The following NOL4 variants were observed in gnomAD, a reference collection of about 807,000 sequenced individuals.
NOL4 encodes the protein cancer/testis antigen 125.
NOL4 carries 17 observed loss-of-function variants against 75.9 expected under a neutral mutation model. That is an observed-to-expected ratio of 0.22 (90% confidence interval 0.15 to 0.34). The LOEUF is 0.34. Ranked by LOEUF, NOL4 falls within the 10% of genes least tolerant of loss-of-function variation. The pLI is 1.00. For synonymous variants in NOL4, 292 were observed against 289.9 expected (o/e 1.01, Z -0.07); for missense variants, 614 against 793.5 (o/e 0.77, Z 2.72).
At chr18:33,976,822 G>A (rs1050696387) in intron 6 of NOL4, among the ~76,000 whole-genome samples, 9 of 152,028 alleles carry the variant, frequency 5.9e-5, no homozygotes, top group Non-Finnish European at 1.3e-4. Context: ...TTATAATATT[G>A]TATTGATTTG....
chr18:34,135,752 A>C (rs1258275600), intron 1 of NOL4, among the ~76,000 whole-genome samples: 1 of 151,532 alleles, frequency 6.6e-6, no homozygotes, highest in African/African-American at 2.4e-5. Flanking sequence ...AGACAGCCTC[A>C]CTGAACCAAA....
intron 1 of NOL4, among the ~76,000 whole-genome samples, chr18:34,138,066 C>T (rs1315321756): frequency 6.6e-6 from 1 of 152,074 alleles, no homozygotes; most frequent in East Asian, 1.9e-4. Flanking sequence ...TAAAAGACCA[C>T]ATATTGTATG....
chr18:33,955,242 A>T (rs2069557514), intron 8 of NOL4, among the ~76,000 whole-genome samples: 1 of 152,066 alleles, frequency 6.6e-6, no homozygotes, highest in African/African-American at 2.4e-5. Context: ...TCATTTTTAT[A>T]ATACTTCTAT....
chr18:33,956,891 G>A (rs1476352364), intron 8 of NOL4, among the ~76,000 whole-genome samples: 1 of 152,060 alleles, frequency 6.6e-6, no homozygotes, highest in Admixed American at 6.6e-5. Context: ...GTATTCCTAG[G>A]TAGATCCATC....
intron 1 of NOL4, among the ~76,000 whole-genome samples, chr18:34,193,751 G>T (rs1274734567): frequency 6.6e-6 from 1 of 152,100 alleles, no homozygotes; most frequent in Non-Finnish European, 1.5e-5. Flanking sequence ...CCAAGGAAAT[G>T]AAATCATAAT....
At chr18:34,147,529 C>T (rs539134844) in intron 1 of NOL4, among the ~76,000 whole-genome samples, 23 of 152,054 alleles carry the variant, frequency 1.5e-4, no homozygotes, top group African/African-American at 3.1e-4. Context: ...TATTGATTTG[C>T]GTATGTTGAA....
At chr18:34,204,127 T>C (rs963195441) in intron 1 of NOL4, among the ~76,000 whole-genome samples, 5 of 152,052 alleles carry the variant, frequency 3.3e-5, no homozygotes, top group Non-Finnish European at 7.4e-5. Context: ...AGTATGTGCA[T>C]ATAAAATACA....
At position 33,921,621 on chromosome 18, in the gene NOL4, G is replaced by A. The variant is rs368098436; in HGVS notation, c.1542+21444C>T. 3.4e-4 allele frequency among the ~76,000 whole-genome samples: 52 copies of A among 152,252 alleles called. 1 individual carries two copies. The South Asian group carries it at 6.6e-3, about 19-fold the overall frequency. ...TGGAATTTTGCTGCCAAAAACCAAG[G>A]AATGTCTGGGCTACTAGAAGCAGCA... On this transcript the variant is annotated intron_variant, in intron 9 of 10. Coordinates refer to ENST00000261592, the MANE Select transcript of NOL4 (RefSeq NM_003787.5).
At chr18:33,858,711 C>T (rs2062949591) in intron 10 of NOL4, among the ~76,000 whole-genome samples, 1 of 152,024 alleles carries the variant, frequency 6.6e-6, no homozygotes, top group Non-Finnish European at 1.5e-5. Flanking sequence ...CTCTTTTATC[C>T]ATTTTTCCTT....
intron 1 of NOL4, among the ~76,000 whole-genome samples, chr18:34,168,907 T>C (rs2032725218): frequency 6.6e-6 from 1 of 151,708 alleles, no homozygotes; most frequent in African/African-American, 2.4e-5. Context: ...ATGACAAGAA[T>C]ACAAAGAATG....
At chr18:34,019,898 G>C (rs538484979) in intron 5 of NOL4, among the ~76,000 whole-genome samples, 11 of 151,588 alleles carry the variant, frequency 7.3e-5, no homozygotes, top group Non-Finnish European at 1.2e-4. Context: ...TGAATGGCTT[G>C]GTGCCATCCC....
intron 9 of NOL4, among the ~76,000 whole-genome samples, chr18:33,917,695 G>C (rs1017927782): frequency 6.6e-6 from 1 of 151,782 alleles, no homozygotes; most frequent in Non-Finnish European, 1.5e-5. Context: ...GTAGAGATGA[G>C]GTCTCGCTAT....
intron 1 of NOL4, among the ~76,000 whole-genome samples, chr18:34,132,187 C>G (rs138091612): frequency 2.6e-5 from 4 of 152,230 alleles, no homozygotes; most frequent in Admixed American, 2.0e-4. Context: ...TGGTGAGGAC[C>G]CTTATGATGA....
intron 6 of NOL4, among the ~76,000 whole-genome samples, chr18:34,003,882 C>G (rs555617999): frequency 6.6e-6 from 1 of 151,994 alleles, no homozygotes; most frequent in Non-Finnish European, 1.5e-5. Context: ...GGGGGTCAGA[C>G]GTGCCTCATT....
chr18:34,074,280 CTTAAA>C lies in NOL4; in HGVS notation c.772+19180_772+19184del, dbSNP rs763002792. On this transcript the variant is annotated intron_variant, in intron 5 of 10. Coordinates refer to ENST00000261592, the MANE Select transcript of NOL4 (RefSeq NM_003787.5). ...ATTTATATGCATTATTTCATTAAAA[CTTAAA>C]TTAACAATGATATAAGCTCATTATA... 3.3e-4 allele frequency among the ~76,000 whole-genome samples: 50 copies of C among 151,272 alleles called. 1 individual carries two copies. The South Asian group carries it at 9.8e-3, about 30-fold the overall frequency.
chr18:33,926,697 T>C (rs1236482623), intron 9 of NOL4, among the ~76,000 whole-genome samples: 1 of 152,036 alleles, frequency 6.6e-6, no homozygotes, highest in Non-Finnish European at 1.5e-5. Context: ...CACTCCCAGG[T>C]TCAAGCAATT....
At chr18:34,051,892 G>C (rs1260086753) in intron 5 of NOL4, among the ~76,000 whole-genome samples, 1 of 151,868 alleles carries the variant, frequency 6.6e-6, no homozygotes, top group Non-Finnish European at 1.5e-5. Flanking sequence ...AGTAGAAATA[G>C]GGATAAAATT....
At chr18:34,036,978 G>T (rs903836457) in intron 5 of NOL4, among the ~76,000 whole-genome samples, 28 of 151,956 alleles carry the variant, frequency 1.8e-4, no homozygotes, top group African/African-American at 6.8e-4. Flanking sequence ...AAACAAAGAA[G>T]GTAAAATTGT....
At chr18:34,165,525 C>T (rs756709801) in intron 1 of NOL4, among the ~76,000 whole-genome samples, 8 of 152,144 alleles carry the variant, frequency 5.3e-5, no homozygotes, top group Non-Finnish European at 8.8e-5. Context: ...TCAATGTTTG[C>T]ATATTGAAGT....
Sources: gnomAD v4.1 joint callset for allele counts (sites outside exome capture counted in the v4.1 genomes callset) on GRCh38, gnomAD v4.1.1 for gene constraint, MANE v1.5 for transcripts, NCBI Gene and HGNC (gene_info 2026-07-23, HGNC 2026-07-21) for gene names.